CDYL: variants seen among roughly 807,000 people sequenced by gnomAD.
CDYL encodes the protein chromodomain Y-like protein.
Under a neutral mutation model 47.3 loss-of-function variants are expected in CDYL, and 8 were observed. The observed-to-expected ratio is 0.17, with a 90% confidence interval of 0.10 to 0.31. The LOEUF is 0.31. CDYL is among the 10% of genes least tolerant of loss of function. The pLI is 1.00. For synonymous variants in CDYL, 266 were observed against 265.0 expected (o/e 1.00, Z -0.04); for missense variants, 471 against 701.4 (o/e 0.67, Z 3.71).
intron 1 of CDYL, among the ~76,000 whole-genome samples, chr6:4,852,806 C>CTTTTTTTTTTTTTTTTT (rs528608801): frequency 6.8e-6 from 1 of 146,700 alleles, no homozygotes; most frequent in African/African-American, 2.5e-5. Flanking sequence ...TTTCTTTGTT[C>CTTTTTTTTTTTTTTTTT]TTTTTTTTTT....
intron 1 of CDYL, among the ~76,000 whole-genome samples, chr6:4,884,836 C>T (rs966791170): frequency 6.6e-6 from 1 of 152,108 alleles, no homozygotes; most frequent in African/African-American, 2.4e-5. Context: ...CTCAGGTAAC[C>T]GGTACAAGCA....
At chr6:4,789,840 A>G (rs1758870765) in intron 1 of CDYL, among the ~76,000 whole-genome samples, 2 of 152,170 alleles carry the variant, frequency 1.3e-5, no homozygotes, top group African/African-American at 4.8e-5. Context: ...AACCATTCAG[A>G]GAAGTGTAGT....
chr6:4,929,979 A>G (rs1285490461), intron 2 of CDYL, among the ~76,000 whole-genome samples: 4 of 152,064 alleles, frequency 2.6e-5, no homozygotes, highest in African/African-American at 9.7e-5. Flanking sequence ...CTGGCAGGAA[A>G]TTGTTAGTTG....
chr6:4,753,798 T>C (rs1225883725), intron 3 of CDYL, among the ~76,000 whole-genome samples: 1 of 152,240 alleles, frequency 6.6e-6, no homozygotes, highest in Non-Finnish European at 1.5e-5. Context: ...TGGCTTCTAC[T>C]AAACAACTTT....
intron 1 of CDYL, among the ~76,000 whole-genome samples, chr6:4,824,241 G>T (rs1276339287): frequency 1.3e-5 from 2 of 152,138 alleles, no homozygotes; most frequent in African/African-American, 4.8e-5. Context: ...TGGTATATAT[G>T]TCTAGGAGTG....
intron 2 of CDYL, among the ~76,000 whole-genome samples, chr6:4,899,354 C>T (rs1756945386): frequency 2.0e-5 from 3 of 152,126 alleles, no homozygotes; most frequent in Admixed American, 2.0e-4. Flanking sequence ...ATTTTATGTT[C>T]CCAAGAGGTC....
intron 1 of CDYL, among the ~76,000 whole-genome samples, chr6:4,863,013 A>G (rs995194014): frequency 6.6e-6 from 1 of 152,254 alleles, no homozygotes; most frequent in African/African-American, 2.4e-5. Flanking sequence ...ATGGAATACT[A>G]TACCCCCATA....
intron 1 of CDYL, among the ~76,000 whole-genome samples, chr6:4,816,498 C>CTTTTT (rs1332068497): frequency 2.4e-5 from 3 of 127,642 alleles, no homozygotes; most frequent in African/African-American, 3.0e-5. Context: ...TTCTTTCTTT[C>CTTTTT]TTTTTTTTTT....
At chr6:4,934,586 A>T (rs1758131564) in intron 2 of CDYL, among the ~76,000 whole-genome samples, 1 of 152,162 alleles carries the variant, frequency 6.6e-6, no homozygotes. Flanking sequence ...CTTACATTTC[A>T]TTCCTTTTTT....
At chr6:4,777,616 T>C (rs986688898) in intron 1 of CDYL, among the ~76,000 whole-genome samples, 1 of 152,232 alleles carries the variant, frequency 6.6e-6, no homozygotes, top group Admixed American at 6.5e-5. Context: ...TTCTCTTGTT[T>C]CACATGTATT....
chr6:4,781,964 CT>C (rs1300933153), intron 1 of CDYL, among the ~76,000 whole-genome samples: 2 of 146,730 alleles, frequency 1.4e-5, no homozygotes, highest in Non-Finnish European at 3.0e-5. Flanking sequence ...AGACAGGAAT[CT>C]TATGTTCCGA....
intron 1 of CDYL, among the ~76,000 whole-genome samples, chr6:4,806,340 G>A (rs1401784597): frequency 1.3e-5 from 2 of 152,206 alleles, no homozygotes; most frequent in South Asian, 2.1e-4. Flanking sequence ...CCTCCTCCAC[G>A]CTGCTCCCAG....
Position 4,916,772 on chromosome 6 carries a change from C to A in CDYL, c.692-18743C>A, listed in dbSNP as rs1479436463. ...AGCCTGTTTCTCTCTAAAATAAAAT[C>A]ACATATTTCCATTTTCTTATGATGC... On this transcript the variant is annotated intron_variant, in intron 2 of 6. Transcript: ENST00000397588. Among the ~76,000 whole-genome samples the A allele has an allele frequency of 2.6e-5, 4 of 152,196 alleles. No individual in the cohort carries two copies. The South Asian group carries it at 8.3e-4, about 31-fold the overall frequency.
chr6:4,870,476 C>G (rs543770411), intron 1 of CDYL, among the ~76,000 whole-genome samples: 1 of 152,278 alleles, frequency 6.6e-6, no homozygotes, highest in African/African-American at 2.4e-5. Context: ...TAATATATGT[C>G]TAAGAATCTC....
chr6:4,943,770 T>TAAAA lies in CDYL; in HGVS notation c.1332+28_1332+31dup, dbSNP rs34649909. On this transcript the variant is annotated intron_variant, in intron 5 of 6. Coordinates refer to ENST00000397588, the MANE Select transcript of CDYL (RefSeq NM_004824.4). ...GGAGGAGCATCTGTGAGTACCTTTT[T>TAAAA]AAAAAAAAAAAAAAAAAGTCATTCT... The TAAAA allele has an allele frequency of 6.2e-3, 7,268 of 1,169,184 alleles. 2 individuals are homozygous for TAAAA. Among genetic ancestry groups the TAAAA allele is most frequent in the Non-Finnish European group, 7.0e-3 (5,914 of 840,056 alleles). The allele number at this position is 1,169,184 out of a possible 1,614,324, so 72.4% of individuals were successfully genotyped here.
chr6:4,832,290 T>G (rs898043431), intron 1 of CDYL, among the ~76,000 whole-genome samples: 1 of 152,140 alleles, frequency 6.6e-6, no homozygotes, highest in African/African-American at 2.4e-5. Flanking sequence ...CATGAAGCAT[T>G]GTTGAGTTTT....
At chr6:4,918,430 T>C (rs1483519130) in intron 2 of CDYL, among the ~76,000 whole-genome samples, 1 of 152,166 alleles carries the variant, frequency 6.6e-6, no homozygotes, top group Non-Finnish European at 1.5e-5. Context: ...TGTTGCTTTT[T>C]TCTCTCCAAT....
intron 2 of CDYL, among the ~76,000 whole-genome samples, chr6:4,901,485 G>A (rs914841864): frequency 2.0e-5 from 3 of 152,114 alleles, no homozygotes; most frequent in East Asian, 1.9e-4. Context: ...CTATTCTGGT[G>A]CCTTTGTTCT....
chr6:4,900,779 G>GTGTGTGTGTGTATA, intron 2 of CDYL, among the ~76,000 whole-genome samples: 1 of 51,718 alleles, frequency 1.9e-5, no homozygotes, highest in African/African-American at 6.3e-5. Flanking sequence ...GTATACGTGT[G>GTGTGTGTGTGTATA]TATATATATA....
Sources: gnomAD v4.1 joint callset for allele counts (sites outside exome capture counted in the v4.1 genomes callset) on GRCh38, gnomAD v4.1.1 for gene constraint, MANE v1.5 for transcripts, NCBI Gene and HGNC (gene_info 2026-07-23, HGNC 2026-07-21) for gene names.